Variants in SMYD3 observed in about 807,000 individuals in gnomAD.
The protein encoded by SMYD3 is SET and MYND domain containing 3, also known as histone-lysine N-methyltransferase SMYD3.
In SMYD3, 36 loss-of-function variants were observed where a neutral mutation model predicts 57.7. That is an observed-to-expected ratio of 0.62 (90% confidence interval 0.48 to 0.82). The LOEUF (loss-of-function observed/expected upper bound fraction) is 0.82, where lower values mean the gene tolerates loss of function less well. SMYD3 is among the 40% of genes least tolerant of loss of function. The probability of loss-of-function intolerance (pLI) is 0.00; values close to 1 mark genes in which losing one functional copy is unlikely to be tolerated. For synonymous variants in SMYD3, 211 were observed against 195.0 expected, an observed-to-expected ratio of 1.08 and a Z score of -0.68; for missense variants, 515 against 538.8, an observed-to-expected ratio of 0.96 and a Z score of 0.44.
chr1:245,782,842 CTTCT>C, intron 10 of SMYD3, among the ~76,000 whole-genome samples: 1 of 152,208 alleles, frequency 6.6e-6, no homozygotes, highest in African/African-American at 2.4e-5. Context: ...TCTAGGAGTT[CTTCT>C]GAGCCACAAT....
chr1:245,852,331 T>C (rs1254704929), intron 10 of SMYD3, among the ~76,000 whole-genome samples: 3 of 152,148 alleles, frequency 2.0e-5, no homozygotes, highest in Non-Finnish European at 4.4e-5. Flanking sequence ...AACCAGTAGG[T>C]TCAGTGCTGG....
At chr1:245,973,251 A>G (rs11576666) in intron 5 of SMYD3, among the ~76,000 whole-genome samples, 43,265 of 152,144 alleles carry the variant, frequency 0.28, 6,805 homozygotes, top group East Asian at 0.62. Flanking sequence ...AGCCATCATC[A>G]TTGTTGCTTT....
intron 5 of SMYD3, among the ~76,000 whole-genome samples, chr1:246,191,525 TA>T (rs1442668563): frequency 4.6e-5 from 7 of 152,206 alleles, no homozygotes; most frequent in African/African-American, 1.4e-4. Context: ...ATATTATAAA[TA>T]AATGTGAATA....
At chr1:246,234,686 G>A (rs1476297254) in intron 5 of SMYD3, among the ~76,000 whole-genome samples, 1 of 131,966 alleles carries the variant, frequency 7.6e-6, no homozygotes, top group Non-Finnish European at 1.6e-5. Flanking sequence ...TCATATAATA[G>A]AATATTGCAT....
intron 1 of SMYD3, among the ~76,000 whole-genome samples, chr1:246,425,095 G>A (rs114599827): frequency 0.011 from 1,604 of 151,842 alleles, 16 homozygotes; most frequent in Non-Finnish European, 0.015. Context: ...CTATTTAATC[G>A]GCAAAAACCC....
At chr1:245,866,791 C>T (rs1425298897) in intron 8 of SMYD3, among the ~76,000 whole-genome samples, 1 of 152,062 alleles carries the variant, frequency 6.6e-6, no homozygotes, top group Admixed American at 6.6e-5. Flanking sequence ...GCTTTAAGCC[C>T]GTATTCATCT....
intron 5 of SMYD3, among the ~76,000 whole-genome samples, chr1:246,140,290 A>G (rs1273419841): frequency 6.6e-6 from 1 of 152,168 alleles, no homozygotes; most frequent in Non-Finnish European, 1.5e-5. Context: ...TGGCCCAGAC[A>G]CTTTTCTCTA....
chr1:246,495,379 T>C (rs1380753500), intron 1 of SMYD3, among the ~76,000 whole-genome samples: 2 of 142,490 alleles, frequency 1.4e-5, no homozygotes, highest in African/African-American at 5.2e-5. Flanking sequence ...AAAAGGTCTA[T>C]GCTCCAGCCA....
chr1:246,372,761 C>G (rs2066213095), intron 1 of SMYD3, among the ~76,000 whole-genome samples: 1 of 152,158 alleles, frequency 6.6e-6, no homozygotes, highest in South Asian at 2.1e-4. Context: ...GGGGCCGAGG[C>G]AGGCGGGTCA....
At chr1:246,262,663 G>A (rs922143399) in intron 5 of SMYD3, among the ~76,000 whole-genome samples, 2 of 151,980 alleles carry the variant, frequency 1.3e-5, no homozygotes, top group South Asian at 2.1e-4. Flanking sequence ...CCATATAGCC[G>A]GTCTCTGACA....
Position 245,920,108 on chromosome 1 carries a change from T to C in SMYD3, c.703-4468A>G, listed in dbSNP as rs191921721. 3.0e-3 allele frequency among the ~76,000 whole-genome samples: 463 copies of C among 152,152 alleles called. 2 individuals carry two copies. The highest frequency in any genetic ancestry group is 0.011 in the African/African-American group (449 of 41,476). On this transcript the variant is annotated intron_variant, in intron 7 of 11. Transcript: ENST00000490107. ...GCGGTAGGATCACGAGGTCAGGAGATTGAGACCATCCTGGCTAACACGGTG... is the reference window on the plus strand; with the variant it reads ...GCGGTAGGATCACGAGGTCAGGAGACTGAGACCATCCTGGCTAACACGGTG...
intron 1 of SMYD3, among the ~76,000 whole-genome samples, chr1:246,406,968 A>T (rs2066875539): frequency 6.6e-6 from 1 of 152,230 alleles, no homozygotes; most frequent in East Asian, 1.9e-4. Flanking sequence ...ATATGACAGC[A>T]GCTCTCATTG....
chr1:246,034,789 G>C (rs1246225371), intron 5 of SMYD3, among the ~76,000 whole-genome samples: 1 of 152,114 alleles, frequency 6.6e-6, no homozygotes, highest in Admixed American at 6.5e-5. Context: ...CCTTCTGGAG[G>C]ACCGCGGCAA....
intron 10 of SMYD3, among the ~76,000 whole-genome samples, chr1:245,856,772 C>G (rs987772167): frequency 6.6e-6 from 1 of 152,148 alleles, no homozygotes; most frequent in African/African-American, 2.4e-5. Flanking sequence ...GAGGATGAGG[C>G]AGAAGAATCA....
At chr1:246,301,324 C>T (rs536251615) in intron 5 of SMYD3, among the ~76,000 whole-genome samples, 3 of 152,244 alleles carry the variant, frequency 2.0e-5, no homozygotes, top group Non-Finnish European at 2.9e-5. Context: ...GTTCAATTCT[C>T]GTGCAGGAGC....
intron 1 of SMYD3, among the ~76,000 whole-genome samples, chr1:246,487,952 C>T (rs999454532): frequency 2.0e-5 from 3 of 152,146 alleles, no homozygotes; most frequent in African/African-American, 4.8e-5. Context: ...CCTCAGCCTC[C>T]CAAAGTGCTG....
At chr1:246,459,917 CCAAAA>C (rs1481089847) in intron 1 of SMYD3, among the ~76,000 whole-genome samples, 1 of 51,932 alleles carries the variant, frequency 1.9e-5, no homozygotes, top group African/African-American at 7.3e-5. Flanking sequence ...ATTCCGCCAC[CCAAAA>C]AAAAAAAAAA....
intron 5 of SMYD3, among the ~76,000 whole-genome samples, chr1:246,240,166 C>A (rs10924598): frequency 0.21 from 31,585 of 152,034 alleles, 3,999 homozygotes; most frequent in East Asian, 0.58. Flanking sequence ...GTCCTTGCCC[C>A]TCCCTAGGTC....
rs958958019 is a variant in SMYD3, at chr1:245,859,240, G to A, written c.902-570C>T. ...ATTTCCACTGGGTCTCATTTTTTCC[G>A]ATTATAAAGCAACAGTGACCCCAGC... is the stretch of plus-strand genomic sequence containing the variant. On this transcript the variant is annotated intron_variant, in intron 9 of 11. Transcript: ENST00000490107. 6.6e-5 allele frequency among the ~76,000 whole-genome samples: 10 copies of A among 152,218 alleles called. No individual in the cohort carries two copies. In the East Asian group the frequency reaches 9.7e-4, roughly 15 times the overall value.
Sources: gnomAD v4.1 joint callset for allele counts (sites outside exome capture counted in the v4.1 genomes callset) on GRCh38, gnomAD v4.1.1 for gene constraint, MANE v1.5 for transcripts, NCBI Gene and HGNC (gene_info 2026-07-23, HGNC 2026-07-21) for gene names.